Variants in PDZD2 observed in about 807,000 individuals in gnomAD.
The protein encoded by PDZD2 is PDZ domain-containing protein 2.
In PDZD2, 90 loss-of-function variants were observed where a neutral mutation model predicts 220.7. The observed-to-expected ratio is 0.41, with a 90% confidence interval of 0.34 to 0.49. The LOEUF is 0.49. Ranked by LOEUF, PDZD2 falls within the 20% of genes least tolerant of loss-of-function variation. The pLI, the probability that PDZD2 is intolerant of heterozygous loss-of-function variation, is 0.28. For synonymous variants in PDZD2, 1,375 were observed against 1,450.5 expected, an observed-to-expected ratio of 0.95 and a Z score of 1.18; for missense variants, 3,174 against 3,608.5, an observed-to-expected ratio of 0.88 and a Z score of 3.08.
intron 19 of PDZD2, among the ~76,000 whole-genome samples, chr5:32,080,013 T>A (rs1581442231): frequency 6.6e-6 from 1 of 152,162 alleles, no homozygotes; most frequent in Non-Finnish European, 1.5e-5. Flanking sequence ...TAACAAGCAT[T>A]TTTTTGTTAG....
intron 6 of PDZD2, among the ~76,000 whole-genome samples, chr5:32,012,792 C>T (rs910175662): frequency 1.3e-5 from 2 of 151,714 alleles, no homozygotes; most frequent in African/African-American, 2.4e-5. Context: ...TAATAAATAA[C>T]CTATTACATA....
rs755722882 is a variant in PDZD2, at chr5:32,074,428, C to G, written c.3322C>G (p.Gln1108Glu). ...PTNTGSPSSP[Q>E]QKSEGLGSRH... ...GAACACTGGGAGCCCCAGTTCCCCCCAGCAGAAAAGTGAAGGCCTGGGCTC... is the reference window on the plus strand; with the variant it reads ...GAACACTGGGAGCCCCAGTTCCCCCGAGCAGAAAAGTGAAGGCCTGGGCTC... Residue 1108 changes from glutamine (Q) to glutamate (E), a missense_variant, in exon 18 of 25, where the codon CAG becomes GAG. Gln to Glu is a conservative substitution (Grantham distance 29). Around this residue, in one of 4 missense-constraint regions of PDZD2, gnomAD observed 1,861 missense variants for 2,001.0 expected, o/e 0.93. Transcript: ENST00000438447. 1 of 1,614,224 alleles carries G rather than the reference C, an allele frequency of 6.2e-7. No individual in the cohort carries two copies. Among genetic ancestry groups the G allele is most frequent in the South Asian group, 1.1e-5 (1 of 91,088 alleles).
intron 1 of PDZD2, among the ~76,000 whole-genome samples, chr5:31,660,644 T>C (rs29752): frequency 0.77 from 117,491 of 152,042 alleles, 48,431 homozygotes; most frequent in Non-Finnish European, 0.92. Context: ...GGGTAACTGC[T>C]GCCATGATTA....
intron 1 of PDZD2, among the ~76,000 whole-genome samples, chr5:31,796,088 C>T (rs1754004942): frequency 6.6e-6 from 1 of 152,144 alleles, no homozygotes; most frequent in Non-Finnish European, 1.5e-5. Flanking sequence ...ACATCAGATC[C>T]GAGCTGAGCC....
chr5:32,082,290 G>A (rs1027057401), intron 19 of PDZD2, among the ~76,000 whole-genome samples: 1 of 152,094 alleles, frequency 6.6e-6, no homozygotes, highest in African/African-American at 2.4e-5. Context: ...CCAAAGTGCT[G>A]GGATTACAGG....
intron 1 of PDZD2, among the ~76,000 whole-genome samples, chr5:31,773,961 C>T (rs961076486): frequency 3.9e-5 from 6 of 152,188 alleles, no homozygotes; most frequent in South Asian, 2.1e-4. Flanking sequence ...TGGTGAAAAC[C>T]GATGTCGACA....
At chr5:31,875,330 T>C (rs1739203868) in intron 2 of PDZD2, among the ~76,000 whole-genome samples, 1 of 152,114 alleles carries the variant, frequency 6.6e-6, no homozygotes, top group Non-Finnish European at 1.5e-5. Flanking sequence ...ATGCCTGTAA[T>C]CCCAGCACTT....
chr5:31,697,882 TTTATTA>T (rs1314078011), intron 1 of PDZD2, among the ~76,000 whole-genome samples: 2 of 143,328 alleles, frequency 1.4e-5, no homozygotes, highest in African/African-American at 2.7e-5. Flanking sequence ...TCCTTATTTC[TTTATTA>T]TTATTATTAT....
chr5:31,920,835 G>A (rs1021154263), intron 2 of PDZD2, among the ~76,000 whole-genome samples: 5 of 152,068 alleles, frequency 3.3e-5, no homozygotes, highest in South Asian at 2.1e-4. Context: ...TAATTTTGCC[G>A]TTTCCAGAAT....
intron 2 of PDZD2, among the ~76,000 whole-genome samples, chr5:31,868,918 G>A (rs1049696150): frequency 5.3e-5 from 8 of 152,066 alleles, no homozygotes; most frequent in Non-Finnish European, 1.2e-4. Context: ...AACTACAGGC[G>A]TGCGCCACCA....
chr5:31,663,176 G>A (rs1486691197), intron 1 of PDZD2, among the ~76,000 whole-genome samples: 4 of 152,182 alleles, frequency 2.6e-5, no homozygotes, highest in African/African-American at 7.2e-5. Flanking sequence ...GTTTCTGTTA[G>A]GAATAAGTTC....
intron 2 of PDZD2, among the ~76,000 whole-genome samples, chr5:31,819,250 GTC>G (rs1176225484): frequency 2.0e-5 from 3 of 152,152 alleles, no homozygotes; most frequent in Non-Finnish European, 4.4e-5. Context: ...ATGTCACTTT[GTC>G]TCTCATTCTT....
intron 1 of PDZD2, among the ~76,000 whole-genome samples, chr5:31,794,761 TAGC>T (rs1336956048): frequency 6.6e-6 from 1 of 152,166 alleles, no homozygotes; most frequent in Admixed American, 6.5e-5. Context: ...TGTGGGTACA[TAGC>T]AGGTGTTTAC....
At chr5:32,041,981 C>T (rs1329768620) in intron 7 of PDZD2, among the ~76,000 whole-genome samples, 1 of 148,290 alleles carries the variant, frequency 6.7e-6, no homozygotes. Flanking sequence ...TTTGGGAGGC[C>T]GAGGTGGGCG....
At chr5:32,057,366 CA>C (rs1298017007) in intron 10 of PDZD2, among the ~76,000 whole-genome samples, 1 of 152,144 alleles carries the variant, frequency 6.6e-6, no homozygotes, top group African/African-American at 2.4e-5. Context: ...GATTTCGAAA[CA>C]TAGGACATCT....
intron 1 of PDZD2, among the ~76,000 whole-genome samples, chr5:31,693,673 T>C (rs993431134): frequency 7.2e-5 from 11 of 152,192 alleles, no homozygotes; most frequent in African/African-American, 2.7e-4. Flanking sequence ...AGAGATCAGC[T>C]TGAAGCCAGG....
chr5:31,725,953 G>C, intron 1 of PDZD2: 1 of 619,646 alleles, frequency 1.6e-6, no homozygotes. Flanking sequence ...TGCCGCATGC[G>C]TAACAGATGA....
At chr5:31,845,437 T>C (rs1757531970) in intron 2 of PDZD2, among the ~76,000 whole-genome samples, 1 of 151,782 alleles carries the variant, frequency 6.6e-6, no homozygotes. Context: ...TCTGGAGAGG[T>C]GTGATGTGAA....
chr5:32,087,683 G>T lies in PDZD2; in HGVS notation c.4235G>T (p.Gly1412Val), dbSNP rs1190050231. 2 of 1,614,040 alleles carry T rather than the reference G, an allele frequency of 1.2e-6. No individual in the cohort carries two copies. The highest frequency in any genetic ancestry group is 1.3e-5 in the African/African-American group (1 of 74,938). The change falls in exon 20 of 25, where the codon GGG (glycine) becomes GTG (valine). Residue 1412 changes from glycine (G) to valine (V), a missense_variant. By Grantham distance (109) the Gly-to-Val change is moderately radical (BLOSUM62 -3). Coordinates refer to ENST00000438447, the MANE Select transcript of PDZD2 (RefSeq NM_178140.4). This position sits in a 1 kb window ranked among gnomAD's most constrained non-coding sequence, Gnocchi z 4.0. ...AAAGAAGCATGTGGCCATGTCTCGG[G>T]GCACTGCTGCCCAGGGGGGAGTAGA... ...NTKEACGHVS[G>V]HCCPGGSRES...
Sources: gnomAD v4.1 joint callset for allele counts (sites outside exome capture counted in the v4.1 genomes callset) on GRCh38, gnomAD v4.1.1 for gene constraint, gnomAD v4.1.1 regional missense constraint, Gnocchi (gnomAD v3.1) non-coding constraint, MANE v1.5 for transcripts, NCBI Gene and HGNC (gene_info 2026-07-23, HGNC 2026-07-21) for gene names.